ARHGAP23: variants seen among roughly 807,000 people sequenced by gnomAD.
The protein encoded by ARHGAP23 is rho GTPase-activating protein 23.
Under a neutral mutation model 136.3 loss-of-function variants are expected in ARHGAP23, and 34 were observed. That is an observed-to-expected ratio of 0.25 (90% CI 0.19 to 0.33). The LOEUF is 0.33. ARHGAP23 is among the 10% of genes least tolerant of loss of function. ARHGAP23 has a pLI of 1.00. For missense variants in ARHGAP23, 1,808 were observed against 2,139.0 expected (o/e 0.85, Z 3.05); for synonymous variants, 832 against 920.5 (o/e 0.90, Z 1.74).
chr17:38,474,504 C>G (rs1447700617), intron 11 of ARHGAP23, among the ~76,000 whole-genome samples: 1 of 152,110 alleles, frequency 6.6e-6, no homozygotes, highest in Non-Finnish European at 1.5e-5. Context: ...GGGACCCTCC[C>G]TGGGCCATGG....
Position 38,510,732 on chromosome 17 carries a change from C to T in ARHGAP23, c.4236C>T (p.Ser1412=), listed in dbSNP as rs1005187957. Residue 1412 remains serine, a synonymous_variant, in exon 24 of 24, where the codon AGC becomes AGT. Transcript: ENST00000622683. The surrounding 1 kb of genome is among the most constrained non-coding windows in gnomAD (Gnocchi z 4.6). The part of the protein sequence containing the change: ...SWRRHTVVVQ[S]PLTDLNFNEW... Reference sequence around the variant, plus strand: ...GCCGCCACACCGTGGTGGTGCAGAGCCCGCTGACTGACCTCAACTTCAACG... The same window carrying T: ...GCCGCCACACCGTGGTGGTGCAGAGTCCGCTGACTGACCTCAACTTCAACG... 4.0e-4 allele frequency: 592 copies of T among 1,477,820 alleles called. No individual in the cohort carries two copies. Among genetic ancestry groups the T allele is most frequent in the Non-Finnish European group, 4.8e-4 (533 of 1,117,456 alleles). The allele number at this position is 1,477,820 out of a possible 1,614,324, so 91.5% of individuals were successfully genotyped here.
At chr17:38,445,524 C>G (rs2039013902) in intron 1 of ARHGAP23, among the ~76,000 whole-genome samples, 1 of 151,812 alleles carries the variant, frequency 6.6e-6, no homozygotes, top group Non-Finnish European at 1.5e-5. Flanking sequence ...ATAATTTTAA[C>G]CATTTTTAAC....
At chr17:38,491,237 A>T (rs2040272008) in intron 19 of ARHGAP23, among the ~76,000 whole-genome samples, 170 bp from the exon 20 acceptor site, 1 of 152,202 alleles carries the variant, frequency 6.6e-6, no homozygotes, top group African/African-American at 2.4e-5. Flanking sequence ...AGGGGCTGAA[A>T]TCTGGTCTGT....
chr17:38,457,558 TTG>T, intron 1 of ARHGAP23: 1 of 167,660 alleles, frequency 6.0e-6, no homozygotes, highest in Non-Finnish European at 1.3e-5. Flanking sequence ...GTGTACTCAT[TTG>T]TGTGTGTGTA....
At chr17:38,494,444 G>A (rs1021117994) in intron 20 of ARHGAP23, among the ~76,000 whole-genome samples, 1 of 152,120 alleles carries the variant, frequency 6.6e-6, no homozygotes, top group African/African-American at 2.4e-5. Context: ...AATATTGCCA[G>A]CGGGTGTGGT....
rs182548795 is a variant in ARHGAP23, at chr17:38,470,981, C to G, written c.1975-882C>G. 4.5e-3 allele frequency among the ~76,000 whole-genome samples: 665 copies of G among 147,642 alleles called. 4 individuals carry two copies. The highest frequency in any genetic ancestry group is 0.016 in the African/African-American group (637 of 39,672). On this transcript the variant is annotated intron_variant, in intron 10 of 23. Coordinates refer to ENST00000622683, the MANE Select transcript of ARHGAP23 (RefSeq NM_001199417.2). ...TCTTTTTTTTTTTTTGAGATGGAGT[C>G]TCACTCTATTGCCCAGGCTGGAGTG...
At chr17:38,479,955 G>A in intron 14 of ARHGAP23, 72 bp downstream of exon 14, 2 of 1,529,120 alleles carry the variant, frequency 1.3e-6, no homozygotes, top group Non-Finnish European at 1.8e-6. Flanking sequence ...GCACGCGTGT[G>A]TGTGTTGGGC....
At position 38,428,537 on chromosome 17, in the gene ARHGAP23, C is replaced by T. The variant is rs1322509129; in HGVS notation, c.52C>T (p.Arg18Trp). 6.9e-7 allele frequency: 1 copy of T among 1,452,136 alleles called. No individual in the cohort carries two copies. The highest frequency in any genetic ancestry group is 9.0e-7 in the Non-Finnish European group (1 of 1,105,334). 90.0% of individuals were successfully genotyped at this position (1,452,136 alleles called of 1,614,324 possible). A position where few individuals can be genotyped will look rare whatever the true frequency, so the allele number is the denominator to read the frequency against. ...LVGIPPRPEPRPPQLPLGPRD... is the reference protein window; with the variant it reads ...LVGIPPRPEPWPPQLPLGPRD... The stretch of plus-strand genomic sequence containing the variant: ...CGGGATCCCGCCCCGCCCGGAGCCC[C>T]GGCCCCCACAGGTGAGGGTGCTGGG... Residue 18 changes from arginine to tryptophan, a missense_variant, in exon 1 of 24, where the codon CGG becomes TGG. Arg to Trp is a moderately radical substitution (Grantham distance 101, BLOSUM62 -3). Around this residue, in one of 7 missense-constraint regions of ARHGAP23, gnomAD observed 859 missense variants for 936.4 expected, o/e 0.92. Transcript: ENST00000622683.
chr17:38,512,260 T>TGTCC lies in ARHGAP23; in HGVS notation c.*1290_*1293dup, dbSNP rs1427155591. On this transcript the variant is annotated 3_prime_UTR_variant, in exon 24 of 24. Transcript: ENST00000622683. Reference sequence around the variant, plus strand: ...GTGTTGGACAAAGCCTTCCACCCCATGTCCGCATGGCTCCTTTCACTGTGT... The same window carrying TGTCC: ...GTGTTGGACAAAGCCTTCCACCCCATGTCCGTCCGCATGGCTCCTTTCACTGTGT... The TGTCC allele has an allele frequency of 2.0e-5, 3 of 152,236 alleles. No homozygotes were observed. Among genetic ancestry groups the TGTCC allele is most frequent in the African/African-American group, 7.2e-5 (3 of 41,458 alleles). The allele number at this position is 152,236 out of a possible 1,614,324, so 9.4% of individuals were successfully genotyped here.
chr17:38,456,622 C>T (rs1202920344), intron 1 of ARHGAP23, among the ~76,000 whole-genome samples: 2 of 152,122 alleles, frequency 1.3e-5, no homozygotes, highest in African/African-American at 4.8e-5. Flanking sequence ...ATTTAAGAGT[C>T]CTCTAGGGGT....
chr17:38,454,392 C>T (rs1444625685), intron 1 of ARHGAP23, among the ~76,000 whole-genome samples: 1 of 152,148 alleles, frequency 6.6e-6, no homozygotes, highest in African/African-American at 2.4e-5. Context: ...GGGGCTCAGC[C>T]CTCTCGGTTT....
intron 11 of ARHGAP23, among the ~76,000 whole-genome samples, chr17:38,476,410 GGGCAACT>G (rs1307962039): frequency 2.0e-5 from 3 of 152,276 alleles, no homozygotes; most frequent in East Asian, 3.9e-4. Context: ...CCAGGTTTCT[GGGCAACT>G]GGATGGATTG....
chr17:38,452,134 C>T (rs2039187110), intron 1 of ARHGAP23, among the ~76,000 whole-genome samples: 3 of 152,232 alleles, frequency 2.0e-5, no homozygotes, highest in African/African-American at 7.2e-5. Flanking sequence ...CGACCTCCCT[C>T]GTGGTCCGCT....
chr17:38,466,054 T>G, intron 6 of ARHGAP23, 113 bp from the exon 7 acceptor site: 3 of 586,838 alleles, frequency 5.1e-6, no homozygotes, highest in Non-Finnish European at 4.9e-6. Context: ...CCCCCACCGC[T>G]TGGTCCTCTC....
chr17:38,423,073 G>A (rs2038534688), intron 1 of ARHGAP23, among the ~76,000 whole-genome samples: 2 of 152,136 alleles, frequency 1.3e-5, no homozygotes, highest in Admixed American at 6.5e-5. Context: ...CACTGTGCTT[G>A]CACCACAATC....
chr17:38,504,663 C>T (rs1397138266), intron 23 of ARHGAP23, among the ~76,000 whole-genome samples: 6 of 152,188 alleles, frequency 3.9e-5, no homozygotes, highest in African/African-American at 9.7e-5. Context: ...CCACGGCCTC[C>T]ATCTGAGCCA....
chr17:38,497,554 C>T (rs1364233571), intron 20 of ARHGAP23, among the ~76,000 whole-genome samples: 2 of 152,364 alleles, frequency 1.3e-5, no homozygotes, highest in Non-Finnish European at 2.9e-5. Context: ...CGTGTCTCCT[C>T]CCACACTGGG....
intron 23 of ARHGAP23, 103 bp from the exon 24 acceptor site, chr17:38,509,841 T>A: frequency 1.1e-6 from 1 of 933,132 alleles, no homozygotes; most frequent in Non-Finnish European, 1.4e-6. Context: ...GGCTGGGGCT[T>A]GTGGCGACTG....
intron 1 of ARHGAP23, among the ~76,000 whole-genome samples, chr17:38,438,716 G>A (rs1372231021): frequency 6.6e-6 from 1 of 152,156 alleles, no homozygotes; most frequent in African/African-American, 2.4e-5. Flanking sequence ...GGGCGTGGTG[G>A]CTCACACCTG....
Sources: allele counts gnomAD v4.1 joint callset (sites outside exome capture counted in the v4.1 genomes callset), GRCh38; gene constraint gnomAD v4.1.1; regional missense constraint gnomAD v4.1.1; non-coding constraint Gnocchi (gnomAD v3.1); transcripts MANE v1.5; gene names NCBI Gene and HGNC (gene_info 2026-07-23, HGNC 2026-07-21).